Variants in FHIT observed in about 807,000 individuals in gnomAD.
FHIT encodes the protein bis(5'-adenosyl)-triphosphatase.
FHIT carries 19 observed loss-of-function variants against 17.9 expected under a neutral mutation model. The observed-to-expected ratio is 1.06, with a 90% CI of 0.74 to 1.56. FHIT has a LOEUF of 1.56. Among genes scored for constraint, FHIT ranks in the 40% most tolerant of loss-of-function variants. The pLI, the probability that FHIT is intolerant of heterozygous loss-of-function variation, is 0.00. For synonymous variants in FHIT, 81 were observed against 69.7 expected, an observed-to-expected ratio of 1.16 and a Z score of -0.81; for missense variants, 248 against 189.2, an observed-to-expected ratio of 1.31 and a Z score of -1.82.
At chr3:60,648,740 G>A (rs187420149) in intron 4 of FHIT, among the ~76,000 whole-genome samples, 1 of 152,182 alleles carries the variant, frequency 6.6e-6, no homozygotes, top group African/African-American at 2.4e-5. Flanking sequence ...AGCTAAAAAA[G>A]GAGCGAGTCA....
At chr3:61,174,531 G>GA (rs1413365238) in intron 2 of FHIT, among the ~76,000 whole-genome samples, 2 of 152,144 alleles carry the variant, frequency 1.3e-5, no homozygotes, top group Non-Finnish European at 2.9e-5. Context: ...GGGCGGGGGG[G>GA]ACCTCATGAT....
intron 5 of FHIT, among the ~76,000 whole-genome samples, chr3:60,253,808 A>C (rs1705845666): frequency 6.6e-6 from 1 of 152,240 alleles, no homozygotes. Context: ...AAACACCAGG[A>C]CAAAACGTGG....
chr3:60,873,651 C>T (rs1575626903), intron 3 of FHIT, among the ~76,000 whole-genome samples: 1 of 152,202 alleles, frequency 6.6e-6, no homozygotes, highest in African/African-American at 2.4e-5. Context: ...GGGAAATTCA[C>T]ACTGACTGAC....
In FHIT at chr3:59,860,734, C is replaced by T. The variant is rs553408110; in HGVS notation, c.348+61612G>A. Among the ~76,000 whole-genome samples the T allele has an allele frequency of 7.9e-5, 12 of 152,056 alleles. No homozygotes were observed. In the South Asian group the frequency reaches 1.5e-3, roughly 18 times the overall value. ...TAAATAGTTCTAATACAGGGTAGAA[C>T]AGAATAAAAAGGAGCCACCAGAGAG... is the stretch of plus-strand genomic sequence containing the variant. On this transcript the variant is annotated intron_variant, in intron 8 of 9. Transcript: ENST00000492590.
At chr3:59,871,288 C>G (rs2220227) in intron 8 of FHIT, among the ~76,000 whole-genome samples, 50,884 of 151,994 alleles carry the variant, frequency 0.33, 9,393 homozygotes, top group East Asian at 0.6. Context: ...CAGAGAGCAT[C>G]AATATTGTAA....
Position 60,067,559 on chromosome 3 carries a change from G to A in FHIT, c.104-53407C>T, listed in dbSNP as rs116643469. On this transcript the variant is annotated intron_variant, in intron 5 of 9. Coordinates refer to ENST00000492590, the MANE Select transcript of FHIT (RefSeq NM_002012.4). ...CTTGCTAGTCATATTTGTCAAGAGA[G>A]CCCACAGGTACTATCTGGCTCATCA... 8.6e-3 allele frequency among the ~76,000 whole-genome samples: 1,309 copies of A among 152,266 alleles called. 22 individuals are homozygous for A. The highest frequency in any genetic ancestry group is 0.029 in the African/African-American group (1,194 of 41,532).
chr3:60,745,660 T>TTGGA (rs2042341731), intron 4 of FHIT, among the ~76,000 whole-genome samples: 1 of 152,046 alleles, frequency 6.6e-6, no homozygotes, highest in Admixed American at 6.6e-5. Flanking sequence ...GGATGGTAAT[T>TTGGA]TGGACTTGGA....
intron 4 of FHIT, among the ~76,000 whole-genome samples, chr3:60,571,674 T>C (rs2037390296): frequency 1.3e-5 from 2 of 152,100 alleles, no homozygotes; most frequent in Non-Finnish European, 2.9e-5. Flanking sequence ...ATAGAGAAAC[T>C]TTTGGATTCA....
At chr3:59,953,642 A>G (rs754100157) in intron 7 of FHIT, among the ~76,000 whole-genome samples, 1 of 152,152 alleles carries the variant, frequency 6.6e-6, no homozygotes, top group Non-Finnish European at 1.5e-5. Flanking sequence ...TAAATTAAGT[A>G]CTGTGCTCGG....
intron 5 of FHIT, among the ~76,000 whole-genome samples, chr3:60,488,689 T>G (rs1364910589): frequency 1.3e-5 from 2 of 152,300 alleles, no homozygotes; most frequent in South Asian, 4.1e-4. Flanking sequence ...AGCAGTCCTA[T>G]GTTGCCTAGT....
chr3:61,184,542 A>C (rs1195320551), intron 2 of FHIT, among the ~76,000 whole-genome samples: 2 of 152,094 alleles, frequency 1.3e-5, no homozygotes, highest in South Asian at 2.1e-4. Context: ...GATGTCTGTG[A>C]ACAAATATGC....
chr3:61,032,317 C>A (rs1011372495), intron 3 of FHIT, among the ~76,000 whole-genome samples: 1 of 152,144 alleles, frequency 6.6e-6, no homozygotes, highest in African/African-American at 2.4e-5. Context: ...CTCAAGAGGT[C>A]TTTCATGGAT....
rs199701216 is a variant in FHIT at position 60,873,495 on chromosome 3, A to C, written c.-110-51484T>G. Among the ~76,000 whole-genome samples, 27 of 152,312 alleles carry C rather than the reference A, an allele frequency of 1.8e-4. No individual in the cohort carries two copies. In the East Asian group the frequency reaches 5.2e-3, roughly 29 times the overall value. On this transcript the variant is annotated intron_variant, in intron 3 of 9. Coordinates refer to ENST00000492590, the MANE Select transcript of FHIT (RefSeq NM_002012.4). ...TTGTTGCTTTGTGTGTTCTCCCGAC[A>C]AAGGGCCTGCCCTTCTTCTACAGAT...
intron 1 of FHIT, among the ~76,000 whole-genome samples, chr3:61,223,188 A>G (rs2039884332): frequency 6.6e-6 from 1 of 152,222 alleles, no homozygotes; most frequent in Non-Finnish European, 1.5e-5. Flanking sequence ...CTATTCTGCC[A>G]GTCGGACAAA....
chr3:59,938,116 C>G (rs1376657540), intron 7 of FHIT, among the ~76,000 whole-genome samples: 1 of 152,090 alleles, frequency 6.6e-6, no homozygotes, highest in Non-Finnish European at 1.5e-5. Context: ...TCCACTGCAG[C>G]ATTATCTATA....
In FHIT at chr3:60,519,861, C is replaced by T. The variant is rs141782275; in HGVS notation, c.103+16999G>A. 3.1e-3 allele frequency among the ~76,000 whole-genome samples: 470 copies of T among 152,188 alleles called. 7 individuals are homozygous for T. In the East Asian group the frequency reaches 0.036, roughly 12 times the overall value. On this transcript the variant is annotated intron_variant, in intron 5 of 9. Transcript: ENST00000492590. Reference sequence around the variant, plus strand: ...CATCACACACAAAGAAAAATGAGAACCATGAGAGATCACTTTTTACTGTGA... The same window carrying T: ...CATCACACACAAAGAAAAATGAGAATCATGAGAGATCACTTTTTACTGTGA...
intron 2 of FHIT, among the ~76,000 whole-genome samples, chr3:61,151,305 T>C (rs901246767): frequency 6.6e-6 from 1 of 152,202 alleles, no homozygotes; most frequent in African/African-American, 2.4e-5. Context: ...TTTCATAATA[T>C]AGGGAATGAC....
chr3:60,847,125 A>G (rs1702956402), intron 3 of FHIT, among the ~76,000 whole-genome samples: 1 of 152,180 alleles, frequency 6.6e-6, no homozygotes, highest in Admixed American at 6.5e-5. Flanking sequence ...AGCCTGGCTG[A>G]TAACCTTATT....
chr3:60,265,495 C>T (rs1005841617), intron 5 of FHIT, among the ~76,000 whole-genome samples: 3 of 151,818 alleles, frequency 2.0e-5, no homozygotes, highest in Admixed American at 1.3e-4. Context: ...TTCATGAGTA[C>T]GGATTACACA....
Sources: gnomAD v4.1 joint callset for allele counts (sites outside exome capture counted in the v4.1 genomes callset) on GRCh38, gnomAD v4.1.1 for gene constraint, MANE v1.5 for transcripts, NCBI Gene and HGNC (gene_info 2026-07-23, HGNC 2026-07-21) for gene names.